Variants in MAGEA4 observed in about 807,000 individuals in gnomAD.
The protein encoded by MAGEA4 is MAGE family member A4.
Under a neutral mutation model 13.7 loss-of-function variants are expected in MAGEA4, and 1 was observed. The observed-to-expected ratio is 0.07, with a 90% CI of 0.03 to 0.35. The LOEUF is 0.35. Among genes scored for constraint, MAGEA4 ranks in the 10% least tolerant of loss-of-function variants. The pLI is 0.99. For synonymous variants in MAGEA4, 132 were observed against 101.1 expected (o/e 1.31, Z -1.83); for missense variants, 312 against 245.1 (o/e 1.27, Z -1.82).
chrX:151,919,685 G>A (rs1485692024), intron 1 of MAGEA4: 1 of 751,709 alleles, frequency 1.3e-6, no homozygotes, highest in Non-Finnish European at 1.6e-6. Context: ...GCTTGGGACT[G>A]GTGGAGGGAA....
chrX:151,922,222 A>G (rs1430735793), intron 1 of MAGEA4, among the ~76,000 whole-genome samples: 2 of 111,558 alleles, frequency 1.8e-5, no homozygotes, highest in Non-Finnish European at 3.8e-5. Flanking sequence ...GACCCCACAG[A>G]GTCTGGCTGT....
Position 151,923,907 on chromosome X carries a change from G to A in MAGEA4, c.243G>A (p.Trp81Ter). Residue 81 changes from tryptophan to a stop codon, truncating the protein, a stop_gained, in exon 3 of 3, where the codon TGG becomes TGA. Transcript: ENST00000276344. LOFTEE classifies it high-confidence loss of function. ...ALPTTISFTC[W>*]RQPNEGSSSQ... ...CCACTACCATCAGCTTCACTTGCTG[G>A]AGGCAACCCAATGAGGGTTCCAGCA... 8.3e-7 allele frequency: 1 copy of A among 1,211,596 alleles called. No homozygotes were observed. Among genetic ancestry groups the A allele is most frequent in the Non-Finnish European group, 1.1e-6 (1 of 895,486 alleles).
In MAGEA4 at chrX:151,912,946, G is replaced by A. The variant is rs940148055; in HGVS notation, c.-161G>A. 1 of 122,962 alleles carries A rather than the reference G, an allele frequency of 8.1e-6. No homozygotes were observed. The highest frequency in any genetic ancestry group is 1.6e-5 in the Non-Finnish European group (1 of 60,632). 10.1% of individuals were successfully genotyped at this position (122,962 alleles called of 1,213,427 possible). A position where few individuals can be genotyped will look rare whatever the true frequency, so the allele number is the denominator to read the frequency against. ...GCTTGAGACTGGCGGAGGGAAGCCC[G>A]CCCAGGCTCTATAAGGAGACAAGGT... On this transcript the variant is annotated 5_prime_UTR_variant, in exon 1 of 3. Coordinates refer to ENST00000276344, the MANE Select transcript of MAGEA4 (RefSeq NM_001011548.1).
At chrX:151,913,695 C>G (rs955460058) in intron 1 of MAGEA4, 2 of 607,181 alleles carry the variant, frequency 3.3e-6, no homozygotes, top group Admixed American at 9.1e-5. Flanking sequence ...GGGCGGACTT[C>G]TGAGTCTGGG....
chrX:151,923,551 A>G lies in MAGEA4; in HGVS notation c.-66+27A>G, dbSNP rs958488475. ...TAAGTAAGCCTTTGTTAGAGCCTCT[A>G]AGATTTGGTTCTCAGCTGAGGTCTC... On this transcript the variant is annotated intron_variant, in intron 2 of 2. Transcript: ENST00000276344. 3 of 1,206,665 alleles carry G rather than the reference A, an allele frequency of 2.5e-6. No homozygotes were observed. The African/African-American group carries it at 5.2e-5, about 21-fold the overall frequency.
chrX:151,918,852 C>T (rs1933234793), intron 1 of MAGEA4: 2 of 317,702 alleles, frequency 6.3e-6, no homozygotes, highest in Non-Finnish European at 8.0e-6. Context: ...CCACCGACCT[C>T]ACCCTTCCCA....
At chrX:151,917,862 T>C (rs1479882713) in intron 1 of MAGEA4, among the ~76,000 whole-genome samples, 1 of 101,065 alleles carries the variant, frequency 9.9e-6, no homozygotes, top group Non-Finnish European at 2.0e-5. Context: ...GTGTTTAGTG[T>C]AAGACTAGTG....
At position 151,923,723 on chromosome X, in the gene MAGEA4, A is replaced by G; in HGVS notation, c.59A>G (p.Glu20Gly). ...CKPEEGVEAQ[E>G]EALGLVGAQA... ...CCTGAGGAAGGCGTTGAGGCCCAAGAAGAGGCCCTGGGCCTGGTGGGTGCA... is the reference window on the plus strand; with the variant it reads ...CCTGAGGAAGGCGTTGAGGCCCAAGGAGAGGCCCTGGGCCTGGTGGGTGCA... Residue 20 changes from glutamate (E) to glycine (G), a missense_variant, in exon 3 of 3, where the codon GAA (glutamate) becomes GGA (glycine). By Grantham distance (98) the Glu-to-Gly change is moderately conservative. Coordinates refer to ENST00000276344, the MANE Select transcript of MAGEA4 (RefSeq NM_001011548.1). 14 of 1,210,950 alleles carry G rather than the reference A, an allele frequency of 1.2e-5. No individual in the cohort carries two copies. The highest frequency in any genetic ancestry group is 1.6e-5 in the Non-Finnish European group (14 of 895,236).
intron 1 of MAGEA4, chrX:151,913,423 C>A: frequency 1.7e-6 from 1 of 592,209 alleles, no homozygotes; most frequent in Non-Finnish European, 2.0e-6. Context: ...CCCCCATCCA[C>A]GCTGAATCGG....
In MAGEA4 at chrX:151,924,574, T is replaced by G; in HGVS notation, c.910T>G (p.Ser304Ala). 8.3e-7 allele frequency: 1 copy of G among 1,199,064 alleles called. No homozygotes were observed. Among genetic ancestry groups the G allele is most frequent in the African/African-American group, 1.7e-5 (1 of 57,585 alleles). The stretch of plus-strand genomic sequence containing the variant: ...TGCAAGAGTTCGCATTGCCTACCCA[T>G]CCCTGCGTGAAGCAGCTTTGTTAGA... ...VNARVRIAYP[S>A]LREAALLEEE... Residue 304 changes from serine to alanine, a missense_variant, in exon 3 of 3, where the codon TCC becomes GCC. Transcript: ENST00000276344.
intron 1 of MAGEA4, chrX:151,913,454 C>G (rs1329448417): frequency 1.4e-6 from 1 of 713,810 alleles, no homozygotes; most frequent in African/African-American, 2.5e-5. Flanking sequence ...CTCTTTCAAC[C>G]CAAGAAAGCC....
At position 151,913,293 on chromosome X, in the gene MAGEA4, C is replaced by A. The variant is rs192864582; in HGVS notation, c.-138+324C>A. Among the ~76,000 whole-genome samples the A allele has an allele frequency of 5.5e-3, 601 of 109,582 alleles. 7 individuals carry two copies. Among genetic ancestry groups the A allele is most frequent in the Middle Eastern group, 0.019 (4 of 209 alleles). ...CCCTTCCCATTCCCATTCGCACTCA[C>A]AAACCCATCTACACTCCCATCCTCC... On this transcript the variant is annotated intron_variant, in intron 1 of 2. Transcript: ENST00000276344.
intron 1 of MAGEA4, chrX:151,913,659 C>T: frequency 4.1e-6 from 3 of 734,336 alleles, no homozygotes; most frequent in Non-Finnish European, 4.8e-6. Flanking sequence ...CCGCACCACT[C>T]CTGCTACCAG....
At chrX:151,921,503 CTA>C (rs944431397) in intron 1 of MAGEA4, among the ~76,000 whole-genome samples, 4 of 112,455 alleles carry the variant, frequency 3.6e-5, no homozygotes, top group African/African-American at 9.7e-5. Flanking sequence ...ACAGGGGACT[CTA>C]GAGTCAAGAG....
intron 1 of MAGEA4, chrX:151,919,797 C>G (rs756347121): frequency 1.4e-6 from 1 of 737,067 alleles, no homozygotes; most frequent in East Asian, 1.6e-4. Flanking sequence ...ACCACTCATG[C>G]TCCCAGCCCT....
chrX:151,919,598 C>T (rs1260004978), intron 1 of MAGEA4: 3 of 729,485 alleles, frequency 4.1e-6, no homozygotes, highest in Non-Finnish European at 3.2e-6. Flanking sequence ...CCAAGAAAGC[C>T]GCAGGTGCCG....
chrX:151,919,005 A>G, intron 1 of MAGEA4: 4 of 752,765 alleles, frequency 5.3e-6, no homozygotes, highest in Non-Finnish European at 6.3e-6. Context: ...GGATTGGTGG[A>G]GGGAAGCGGG....
At chrX:151,922,718 A>G (rs1244188909) in intron 1 of MAGEA4, among the ~76,000 whole-genome samples, 1 of 111,258 alleles carries the variant, frequency 9.0e-6, no homozygotes, top group Non-Finnish European at 1.9e-5. Context: ...TCCTGTTGTC[A>G]CCCCAGAGAG....
chrX:151,912,771 C>T (rs866484271), upstream of MAGEA4: 10 of 149,006 alleles, frequency 6.7e-5, no homozygotes, highest in Middle Eastern at 2.4e-3. Flanking sequence ...CACCTGCACC[C>T]CCACCCCCCA....
Sources: allele counts gnomAD v4.1 joint callset (sites outside exome capture counted in the v4.1 genomes callset), GRCh38; gene constraint gnomAD v4.1.1; transcripts MANE v1.5; gene names NCBI Gene and HGNC (gene_info 2026-07-23, HGNC 2026-07-21).